Variants in MAP2 observed in about 807,000 individuals in gnomAD.
MAP2 encodes microtubule-associated protein 2.
Under a neutral mutation model 137.6 loss-of-function variants are expected in MAP2, and 14 were observed. That is an observed-to-expected ratio of 0.10 (90% CI 0.07 to 0.16). MAP2 has a LOEUF of 0.16. Among genes scored for constraint, MAP2 ranks in the 10% least tolerant of loss-of-function variants. The pLI is 1.00. For missense variants in MAP2, 2,088 were observed against 2,191.5 expected, an observed-to-expected ratio of 0.95 and a Z score of 0.94; for synonymous variants, 786 against 782.3, an observed-to-expected ratio of 1.00 and a Z score of -0.08.
intron 1 of MAP2, among the ~76,000 whole-genome samples, chr2:209,492,576 G>A (rs950735372): frequency 6.6e-5 from 10 of 152,122 alleles, no homozygotes; most frequent in African/African-American, 2.4e-4. Flanking sequence ...AAGATGATAA[G>A]CAACTTCAGC....
chr2:209,699,773 G>T (rs2061277597), intron 10 of MAP2, among the ~76,000 whole-genome samples: 1 of 152,138 alleles, frequency 6.6e-6, no homozygotes, highest in Non-Finnish European at 1.5e-5. Context: ...AAAGGGAAAG[G>T]GGTTAGCTGA....
At chr2:209,599,736 A>T (rs770988015) in intron 3 of MAP2, among the ~76,000 whole-genome samples, 2 of 152,080 alleles carry the variant, frequency 1.3e-5, no homozygotes, top group African/African-American at 4.8e-5. Flanking sequence ...TATAACAGGC[A>T]TTTAACAAAT....
chr2:209,627,038 T>C (rs1195923822), intron 4 of MAP2, among the ~76,000 whole-genome samples: 1 of 152,142 alleles, frequency 6.6e-6, no homozygotes, highest in Non-Finnish European at 1.5e-5. Context: ...ATCTTACTAA[T>C]CTAATGGGAC....
intron 2 of MAP2, among the ~76,000 whole-genome samples, chr2:209,516,531 T>TA (rs972769397): frequency 1.8e-4 from 28 of 151,532 alleles, no homozygotes; most frequent in Non-Finnish European, 8.8e-5. Context: ...ACAACAGGAA[T>TA]AAAAAAAGGG....
chr2:209,663,926 AGAAAAACATTTTG>A (rs2044944058), intron 5 of MAP2, among the ~76,000 whole-genome samples: 2 of 152,182 alleles, frequency 1.3e-5, no homozygotes, highest in East Asian at 3.9e-4. Flanking sequence ...AGAAGTCATA[AGAAAAACATTTTG>A]GAAGGGTACC....
rs71420761 is a variant in MAP2 at position 209,529,154 on chromosome 2, G to A, written c.-172+21513G>A. ...GATTTTAGTTAGGAAAAAAAATGGT[G>A]GTGTGGATGAAGCAGCAACAGTTAT... On this transcript the variant is annotated intron_variant, in intron 2 of 15. Transcript: ENST00000682079. Among the ~76,000 whole-genome samples the A allele has an allele frequency of 0.02, 3,107 of 152,032 alleles. 143 individuals are homozygous for A. In the South Asian group the frequency reaches 0.22, roughly 11 times the overall value.
chr2:209,540,408 C>A (rs1417312266), intron 2 of MAP2, among the ~76,000 whole-genome samples: 2 of 151,538 alleles, frequency 1.3e-5, no homozygotes, highest in East Asian at 2.0e-4. Context: ...CCCAGGCAGG[C>A]GGACCATGAG....
intron 1 of MAP2, among the ~76,000 whole-genome samples, chr2:209,471,334 C>G (rs1011293812): frequency 2.0e-5 from 3 of 152,130 alleles, no homozygotes; most frequent in African/African-American, 7.2e-5. Context: ...CTATTAATAC[C>G]TGTCTTCTCT....
intron 13 of MAP2, among the ~76,000 whole-genome samples, chr2:209,710,971 T>C (rs969416459): frequency 6.6e-5 from 10 of 152,192 alleles, no homozygotes; most frequent in African/African-American, 1.9e-4. Context: ...ACCTTGCTTA[T>C]ACACTACATG....
intron 10 of MAP2, among the ~76,000 whole-genome samples, chr2:209,699,472 T>C (rs2061185216): frequency 6.6e-6 from 1 of 152,170 alleles, no homozygotes; most frequent in Non-Finnish European, 1.5e-5. Context: ...AAGGGATTGT[T>C]TTAAATCATG....
At chr2:209,503,582 G>A (rs1015944073) in intron 1 of MAP2, among the ~76,000 whole-genome samples, 2 of 151,922 alleles carry the variant, frequency 1.3e-5, no homozygotes, top group African/African-American at 2.4e-5. Context: ...GTTGATTTTT[G>A]TGCATGATGT....
intron 2 of MAP2, among the ~76,000 whole-genome samples, chr2:209,573,298 G>GGTTTTTTTTTTTTTTTTTTTTTTT (rs770132978): frequency 1.7e-5 from 2 of 120,066 alleles, no homozygotes; most frequent in African/African-American, 6.6e-5. Flanking sequence ...TTCTTTTTCT[G>GGTTTTTTTTTTTTTTTTTTTTTTT]TTTTTTTTTT....
intron 1 of MAP2, among the ~76,000 whole-genome samples, chr2:209,462,425 T>C (rs2149604648): frequency 6.6e-6 from 1 of 152,310 alleles, no homozygotes; most frequent in South Asian, 2.1e-4. Flanking sequence ...ACTAAAAATA[T>C]TGGACCAGAG....
At chr2:209,483,225 T>G (rs555378092) in intron 1 of MAP2, among the ~76,000 whole-genome samples, 1 of 152,178 alleles carries the variant, frequency 6.6e-6, no homozygotes, top group South Asian at 2.1e-4. Flanking sequence ...TAATACATGT[T>G]GATCAAAGAC....
chr2:209,482,191 C>T (rs888508356), intron 1 of MAP2, among the ~76,000 whole-genome samples: 1 of 152,152 alleles, frequency 6.6e-6, no homozygotes, highest in African/African-American at 2.4e-5. Flanking sequence ...TGTCTTAGCT[C>T]TCTTACTAAA....
At chr2:209,570,948 C>T (rs552778759) in intron 2 of MAP2, among the ~76,000 whole-genome samples, 4 of 151,960 alleles carry the variant, frequency 2.6e-5, no homozygotes, top group Non-Finnish European at 5.9e-5. Flanking sequence ...TCACTTGTTG[C>T]CATATTCCTA....
intron 1 of MAP2, among the ~76,000 whole-genome samples, chr2:209,459,371 C>G (rs893851371): frequency 6.6e-6 from 1 of 152,136 alleles, no homozygotes; most frequent in Non-Finnish European, 1.5e-5. Context: ...TAGCTGTCAT[C>G]ATCATTATTA....
chr2:209,682,573 G>A (rs1162017166), intron 7 of MAP2, among the ~76,000 whole-genome samples: 4 of 152,134 alleles, frequency 2.6e-5, no homozygotes, highest in African/African-American at 7.2e-5. Flanking sequence ...AATTGGATTA[G>A]CATTGAAGAG....
chr2:209,716,081 G>A (rs777536572), intron 13 of MAP2, among the ~76,000 whole-genome samples: 187 of 151,880 alleles, frequency 1.2e-3, no homozygotes, highest in Non-Finnish European at 2.0e-3. Context: ...TTAATTTTTG[G>A]TTTCCCTACA....
Sources: allele counts gnomAD v4.1 joint callset (sites outside exome capture counted in the v4.1 genomes callset), GRCh38; gene constraint gnomAD v4.1.1; transcripts MANE v1.5; gene names NCBI Gene and HGNC (gene_info 2026-07-23, HGNC 2026-07-21).